NCLN: variants seen among roughly 807,000 people sequenced by gnomAD.
The protein encoded by NCLN is BOS complex subunit NCLN.
A neutral mutation model predicts 69.5 loss-of-function variants in NCLN; 34 were observed. That is an observed-to-expected ratio of 0.49 (90% confidence interval 0.37 to 0.65). The LOEUF (loss-of-function observed/expected upper bound fraction) is 0.65, where lower values mean the gene tolerates loss of function less well. NCLN is among the 30% of genes least tolerant of loss of function. The pLI is 0.00. For synonymous variants in NCLN, 393 were observed against 358.3 expected, an observed-to-expected ratio of 1.10 and a Z score of -1.09; for missense variants, 710 against 804.8, an observed-to-expected ratio of 0.88 and a Z score of 1.42.
At chr19:3,191,638 A>G (rs1004879272) in intron 1 of NCLN, among the ~76,000 whole-genome samples, 6 of 152,238 alleles carry the variant, frequency 3.9e-5, no homozygotes, top group Non-Finnish European at 5.9e-5. Context: ...CCCCTGTAAC[A>G]GGAGTTGAAT....
chr19:3,196,312 C>T (rs1265051969), intron 4 of NCLN, 35 bp downstream of exon 4: 4 of 1,454,568 alleles, frequency 2.7e-6, no homozygotes, highest in Non-Finnish European at 3.8e-6. Context: ...AGCCCCACGT[C>T]CCCAGGGGTT....
In NCLN at chr19:3,186,169, A is replaced by G. The variant is rs1350629978; in HGVS notation, c.139A>G (p.Thr47Ala). Reference sequence around the variant, plus strand: ...TGCCGCCGACGCCGCGCACGAGTTCACCGTGTACCGCATGCAGCAGTACGA... The same window carrying G: ...TGCCGCCGACGCCGCGCACGAGTTCGCCGTGTACCGCATGCAGCAGTACGA... ...LPAADAAHEF[T>A]VYRMQQYDLQ... The change falls in exon 1 of 15, where the codon ACC becomes GCC. Residue 47 changes from threonine (T) to alanine (A), a missense_variant. Physicochemically the swap from Thr to Ala is moderately conservative, Grantham distance 58 (BLOSUM62 0). Transcript: ENST00000246117. The G allele has an allele frequency of 6.3e-7, 1 of 1,593,178 alleles. No homozygotes were observed. The highest frequency in any genetic ancestry group is 1.7e-5 in the Admixed American group (1 of 58,396).
intron 6 of NCLN, among the ~76,000 whole-genome samples, 198 bp downstream of exon 6, chr19:3,201,824 C>T (rs1222667243): frequency 6.6e-6 from 1 of 152,190 alleles, no homozygotes; most frequent in Non-Finnish European, 1.5e-5. Context: ...TCCCACAGGG[C>T]CCAGCTGCTG....
chr19:3,186,007 C>T lies in NCLN; in HGVS notation c.-24C>T. 5.3e-6 allele frequency: 8 copies of T among 1,513,218 alleles called. No individual in the cohort carries two copies. Among genetic ancestry groups the T allele is most frequent in the Non-Finnish European group, 7.0e-6 (8 of 1,134,912 alleles). The allele number at this position is 1,513,218 out of a possible 1,614,324, so 93.7% of individuals were successfully genotyped here. Reference sequence around the variant, plus strand: ...CGCCGTCCCGTCCCAGCTGCCGCCCCGCGCGGCCCCGCCGCCGGCCAGGAT... The same window carrying T: ...CGCCGTCCCGTCCCAGCTGCCGCCCTGCGCGGCCCCGCCGCCGGCCAGGAT... On this transcript the variant is annotated 5_prime_UTR_variant, in exon 1 of 15. Transcript: ENST00000246117.
At chr19:3,199,476 G>C (rs573807566) in intron 5 of NCLN, among the ~76,000 whole-genome samples, 1 of 152,210 alleles carries the variant, frequency 6.6e-6, no homozygotes, top group Admixed American at 6.5e-5. Flanking sequence ...CGGGATTCCA[G>C]ACTCCGGAGG....
At chr19:3,201,421 G>A (rs1039022629) in intron 5 of NCLN, 102 bp from the exon 6 acceptor site, 30 of 783,686 alleles carry the variant, frequency 3.8e-5, no homozygotes, top group Non-Finnish European at 5.6e-5. Context: ...CGGGAGTAGG[G>A]TGGGGGTGAC....
chr19:3,201,239 C>A (rs879289553), intron 5 of NCLN, among the ~76,000 whole-genome samples: 2 of 152,168 alleles, frequency 1.3e-5, no homozygotes, highest in African/African-American at 4.8e-5. Flanking sequence ...CGGGCCGAGC[C>A]GAGGTGGATG....
intron 4 of NCLN, among the ~76,000 whole-genome samples, chr19:3,197,077 G>A (rs1348320282): frequency 6.6e-6 from 1 of 152,250 alleles, no homozygotes; most frequent in African/African-American, 2.4e-5. Flanking sequence ...AGGAGCCCTG[G>A]GGTTTGTCGA....
chr19:3,193,775 A>G (rs1599351200), intron 3 of NCLN, among the ~76,000 whole-genome samples: 2 of 152,232 alleles, frequency 1.3e-5, no homozygotes, highest in South Asian at 4.1e-4. Flanking sequence ...CCTGCCAAGG[A>G]CATTCTCAGC....
chr19:3,191,034 T>C (rs475814), intron 1 of NCLN, among the ~76,000 whole-genome samples: 44,289 of 118,756 alleles, frequency 0.37, 7,997 homozygotes, highest in East Asian at 0.47. Context: ...GAGATCGTCG[T>C]GGTGCGTGGC....
intron 1 of NCLN, among the ~76,000 whole-genome samples, chr19:3,189,411 G>A (rs1054458134): frequency 2.6e-5 from 4 of 152,242 alleles, no homozygotes; most frequent in Non-Finnish European, 4.4e-5. Flanking sequence ...ATCGGCACGC[G>A]GTCATGCCCA....
intron 4 of NCLN, among the ~76,000 whole-genome samples, chr19:3,198,506 C>CAA (rs770959188): frequency 1.6e-4 from 12 of 76,710 alleles, no homozygotes; most frequent in Non-Finnish European, 2.4e-4. Flanking sequence ...GATTCCGTCT[C>CAA]AAAAAAAAAA....
Position 3,204,613 on chromosome 19 carries a change from T to A in NCLN, c.1070T>A (p.Val357Glu). 1 of 1,598,822 alleles carries A rather than the reference T, an allele frequency of 6.3e-7. No homozygotes were observed. The highest frequency in any genetic ancestry group is 8.5e-7 in the Non-Finnish European group (1 of 1,173,366). The part of the protein sequence containing the change: ...HQFPEVRFSM[V>E]HKRINLAEDV... ...TTCCCTGAGGTACGGTTCTCCATGG[T>A]GCACAAGCGGATCAACCTGGCGGAG... is the stretch of plus-strand genomic sequence containing the variant. The change falls in exon 9 of 15, where the codon GTG becomes GAG. Residue 357 changes from valine to glutamate, a missense_variant. Coordinates refer to ENST00000246117, the MANE Select transcript of NCLN (RefSeq NM_020170.4).
intron 1 of NCLN, among the ~76,000 whole-genome samples, chr19:3,191,974 G>C (rs151324922): frequency 3.3e-5 from 5 of 152,104 alleles, no homozygotes; most frequent in Non-Finnish European, 7.4e-5. Flanking sequence ...GTATCACCTG[G>C]GGTCGGGAGT....
At chr19:3,196,422 G>T in intron 4 of NCLN, 145 bp downstream of exon 4, 1 of 616,958 alleles carries the variant, frequency 1.6e-6, no homozygotes, top group East Asian at 2.9e-5. Context: ...AAAACCTCCT[G>T]TGGCTCCGCT....
intron 3 of NCLN, among the ~76,000 whole-genome samples, chr19:3,193,710 C>T (rs1183402190): frequency 6.6e-6 from 1 of 152,240 alleles, no homozygotes; most frequent in African/African-American, 2.4e-5. Context: ...GGAGCCTTTC[C>T]GATCCTCAGG....
chr19:3,198,543 C>T (rs1916034554), intron 4 of NCLN, among the ~76,000 whole-genome samples: 1 of 148,540 alleles, frequency 6.7e-6, no homozygotes, highest in African/African-American at 2.5e-5. Context: ...AAAAAAAAAA[C>T]TTATTCTCCT....
Position 3,185,957 on chromosome 19 carries a change from G to T in NCLN, c.-74G>T. The T allele has an allele frequency of 1.6e-6, 2 of 1,239,532 alleles. No individual in the cohort carries two copies. Among genetic ancestry groups the T allele is most frequent in the Non-Finnish European group, 2.1e-6 (2 of 962,234 alleles). 76.8% of individuals were successfully genotyped at this position (1,239,532 alleles called of 1,614,324 possible). On this transcript the variant is annotated 5_prime_UTR_variant, in exon 1 of 15. Coordinates refer to ENST00000246117, the MANE Select transcript of NCLN (RefSeq NM_020170.4). ...GACCCCGGCGGCTACCCATGCCGAG[G>T]TGAGTCCGCGGGAGCCGCCGCCGCC...
In NCLN at chr19:3,203,964, C is replaced by T. The variant is rs144284241; in HGVS notation, c.890-41C>T. 10,111 of 1,545,068 alleles carry T rather than the reference C, an allele frequency of 6.5e-3. 41 individuals are homozygous for T. The highest frequency in any genetic ancestry group is 0.01 in the Middle Eastern group (52 of 5,136). On this transcript the variant is annotated intron_variant, in intron 7 of 14. Coordinates refer to ENST00000246117, the MANE Select transcript of NCLN (RefSeq NM_020170.4). ...ACAGAGGGAGGGCCGGGGGCCACTT[C>T]CTGGTCCCCACCCACCCCGCCAGCT...
Sources: allele counts gnomAD v4.1 joint callset (sites outside exome capture counted in the v4.1 genomes callset), GRCh38; gene constraint gnomAD v4.1.1; transcripts MANE v1.5; gene names NCBI Gene and HGNC (gene_info 2026-07-23, HGNC 2026-07-21).